Variants in SLC45A4 observed in about 807,000 individuals in gnomAD.
SLC45A4 encodes polyamine-transporter SLC45A4.
A neutral mutation model predicts 63.7 loss-of-function variants in SLC45A4; 32 were observed. The ratio of observed to expected loss-of-function variants is 0.50; its 90% confidence interval spans 0.38 to 0.67. The LOEUF is 0.67. Ranked by LOEUF, SLC45A4 falls within the 30% of genes least tolerant of loss-of-function variation. The pLI is 0.00. For missense variants in SLC45A4, 1,027 were observed against 1,157.7 expected, an observed-to-expected ratio of 0.89 and a Z score of 1.64; for synonymous variants, 535 against 510.0, an observed-to-expected ratio of 1.05 and a Z score of -0.66.
chr8:141,252,906 T>G (rs979121888), intron 2 of SLC45A4, among the ~76,000 whole-genome samples: 1 of 151,732 alleles, frequency 6.6e-6, no homozygotes, highest in African/African-American at 2.4e-5. Flanking sequence ...TCTGTGAATT[T>G]TCGTGTTTTC....
intron 2 of SLC45A4, chr8:141,230,424 G>A: frequency 6.2e-6 from 2 of 320,586 alleles, no homozygotes; most frequent in Non-Finnish European, 1.2e-5. Flanking sequence ...ACAGGGCCCT[G>A]CACACTCACA....
At chr8:141,274,200 G>A (rs571449362) in intron 1 of SLC45A4, among the ~76,000 whole-genome samples, 1 of 151,336 alleles carries the variant, frequency 6.6e-6, no homozygotes, top group South Asian at 2.1e-4. Context: ...CTGCGCTCCA[G>A]CCTGGGCAAC....
chr8:141,234,226 G>T (rs1262835509), intron 2 of SLC45A4, among the ~76,000 whole-genome samples: 1 of 152,230 alleles, frequency 6.6e-6, no homozygotes, highest in Non-Finnish European at 1.5e-5. Context: ...AAGGCAGCCT[G>T]GTTTGAAGGA....
chr8:141,286,751 C>T (rs1241155360), intron 1 of SLC45A4, among the ~76,000 whole-genome samples: 7 of 145,954 alleles, frequency 4.8e-5, no homozygotes, highest in Non-Finnish European at 1.1e-4. Context: ...CCCCCGCTCC[C>T]CACCACCGAC....
intron 1 of SLC45A4, among the ~76,000 whole-genome samples, chr8:141,290,791 G>C (rs188103937): frequency 9.8e-4 from 150 of 152,368 alleles, no homozygotes; most frequent in Non-Finnish European, 1.8e-3. Context: ...CTGCAGGGAT[G>C]TGGCGGGGGG....
In SLC45A4 at chr8:141,278,716, T is replaced by G; in HGVS notation, c.-400-24087A>C. On this transcript the variant is annotated intron_variant, in intron 1 of 8. Transcript: ENST00000517878. The surrounding 1 kb of genome is among the most constrained non-coding windows in gnomAD (Gnocchi z 4.1). ...AGCAGAAAAATGCAATGCAATCAGCTGACCAGAGAGGAAGCTGGGCTCCTT... is the reference window on the plus strand; with the variant it reads ...AGCAGAAAAATGCAATGCAATCAGCGGACCAGAGAGGAAGCTGGGCTCCTT... Among the ~76,000 whole-genome samples, 1 of 152,262 alleles carries G rather than the reference T, an allele frequency of 6.6e-6. No individual in the cohort carries two copies. Among genetic ancestry groups the G allele is most frequent in the East Asian group, 1.9e-4 (1 of 5,196 alleles).
chr8:141,219,928 C>A (rs997371445), intron 3 of SLC45A4, 99 bp from the exon 4 acceptor site: 12 of 1,195,574 alleles, frequency 1.0e-5, no homozygotes, highest in Admixed American at 8.2e-5. Flanking sequence ...GGAGGGGGCA[C>A]GGCCACAAAA....
Position 141,215,744 on chromosome 8 carries a change from C to CTACGGTGGACGCACCTG in SLC45A4, c.1939_1941+14dup. The CTACGGTGGACGCACCTG allele has an allele frequency of 6.2e-7, 1 of 1,611,532 alleles. No individual in the cohort carries two copies. ...GGAGGCTGGAGCGCAGATCTCAGGG[C>CTACGGTGGACGCACCTG]TACGGTGGACGCACCTGCTTGATGT... On this transcript the variant is annotated intron_variant, in intron 7 of 8. Coordinates refer to ENST00000517878, the MANE Select transcript of SLC45A4 (RefSeq NM_001286646.2). The surrounding 1 kb of genome is among the most constrained non-coding windows in gnomAD (Gnocchi z 4.3).
At chr8:141,265,467 A>G (rs1382065824) in intron 1 of SLC45A4, among the ~76,000 whole-genome samples, 2 of 152,260 alleles carry the variant, frequency 1.3e-5, no homozygotes, top group Non-Finnish European at 2.9e-5. Context: ...AAACCAGTCC[A>G]ACGCCCAGCA....
At chr8:141,247,047 G>A (rs1828243538) in intron 2 of SLC45A4, among the ~76,000 whole-genome samples, 1 of 152,090 alleles carries the variant, frequency 6.6e-6, no homozygotes, top group South Asian at 2.1e-4. Flanking sequence ...TAACAAAATA[G>A]AAAATAAACA....
chr8:141,221,559 T>C lies in SLC45A4; in HGVS notation c.430+18A>G, dbSNP rs1453720512. Reference sequence around the variant, plus strand: ...CCGTCTGTGTTGTGAGGACACCAGGTGTGGCCGAGAAACTTACCGATGGCA... The same window carrying C: ...CCGTCTGTGTTGTGAGGACACCAGGCGTGGCCGAGAAACTTACCGATGGCA... On this transcript the variant is annotated intron_variant, in intron 3 of 8. Coordinates refer to ENST00000517878, the MANE Select transcript of SLC45A4 (RefSeq NM_001286646.2). 1.2e-6 allele frequency: 2 copies of C among 1,608,254 alleles called. No homozygotes were observed. Among genetic ancestry groups the C allele is most frequent in the Non-Finnish European group, 1.7e-6 (2 of 1,177,576 alleles).
rs116221142 is a variant in SLC45A4, at chr8:141,215,183, A to G, written c.1941+576T>C. 8.5e-3 allele frequency among the ~76,000 whole-genome samples: 1,288 copies of G among 152,334 alleles called. 21 individuals are homozygous for G. Among genetic ancestry groups the G allele is most frequent in the African/African-American group, 0.03 (1,232 of 41,574 alleles). ...TCTGCCTGTGCTGCGGCTACTGAGC[A>G]TTTGAGATAAAGCTCGTCTCATGTG... is the stretch of plus-strand genomic sequence containing the variant. On this transcript the variant is annotated intron_variant, in intron 7 of 8. Transcript: ENST00000517878. The surrounding 1 kb of genome is among the most constrained non-coding windows in gnomAD (Gnocchi z 4.3).
chr8:141,280,491 T>C (rs1235862000), intron 1 of SLC45A4, among the ~76,000 whole-genome samples: 2 of 152,274 alleles, frequency 1.3e-5, no homozygotes, highest in Non-Finnish European at 2.9e-5. Context: ...AAATGCAACA[T>C]GGTGTTGGGG....
At chr8:141,264,116 C>T (rs62524180) in intron 1 of SLC45A4, among the ~76,000 whole-genome samples, 4,141 of 152,276 alleles carry the variant, frequency 0.027, 93 homozygotes, top group Non-Finnish European at 0.044. Flanking sequence ...AAGAGCATGT[C>T]CCGGTCAGGA....
rs1310149542 is a variant in SLC45A4, at chr8:141,254,201, G to A, written c.29C>T (p.Pro10Leu). 5.2e-6 allele frequency: 8 copies of A among 1,534,900 alleles called. No individual in the cohort carries two copies. Among genetic ancestry groups the A allele is most frequent in the South Asian group, 2.4e-5 (2 of 84,054 alleles). MKMAPQNAD[P>L]ESMQVQELSV... ...TAACTCTTGAACTTGCATAGATTCCGGGTCGGCATTCTGCGGAGCCATTTT... is the reference window on the plus strand; with the variant it reads ...TAACTCTTGAACTTGCATAGATTCCAGGTCGGCATTCTGCGGAGCCATTTT... Residue 10 changes from proline to leucine, a missense_variant, in exon 2 of 9, where the codon CCG (proline) becomes CTG (leucine). Physicochemically the swap from Pro to Leu is moderately conservative, Grantham distance 98. Transcript: ENST00000517878. The surrounding 1 kb of genome is among the most constrained non-coding windows in gnomAD (Gnocchi z 4.5).
chr8:141,275,218 G>A (rs1383259707), intron 1 of SLC45A4, among the ~76,000 whole-genome samples: 1 of 152,146 alleles, frequency 6.6e-6, no homozygotes, highest in Non-Finnish European at 1.5e-5. Context: ...CATTTATCTG[G>A]AAAAGTCAGC....
chr8:141,275,515 T>C (rs1372335008), intron 1 of SLC45A4, among the ~76,000 whole-genome samples: 1 of 152,002 alleles, frequency 6.6e-6, no homozygotes, highest in Non-Finnish European at 1.5e-5. Context: ...GGAGGATCAC[T>C]TGAGTCCTGG....
chr8:141,266,183 C>T (rs569645215), intron 1 of SLC45A4, among the ~76,000 whole-genome samples: 1 of 152,210 alleles, frequency 6.6e-6, no homozygotes, highest in Non-Finnish European at 1.5e-5. Flanking sequence ...CGAGTCCGGA[C>T]AACACGCGTC....
At chr8:141,223,624 C>T (rs143583977) in intron 2 of SLC45A4, among the ~76,000 whole-genome samples, 180 of 152,332 alleles carry the variant, frequency 1.2e-3, no homozygotes, top group African/African-American at 4.1e-3. Context: ...CCTGTAGCAG[C>T]GCGCTGGTTC....
Sources: gnomAD v4.1 joint callset for allele counts (sites outside exome capture counted in the v4.1 genomes callset) on GRCh38, gnomAD v4.1.1 for gene constraint, Gnocchi (gnomAD v3.1) non-coding constraint, MANE v1.5 for transcripts, NCBI Gene and HGNC (gene_info 2026-07-23, HGNC 2026-07-21) for gene names.